Variants in HMGB1 observed in about 807,000 individuals in gnomAD.
HMGB1 encodes high mobility group box 1, also known as high mobility group protein B1.
For missense variants in HMGB1, 79 were observed against 253.5 expected (o/e 0.31, Z 4.67); for synonymous variants, 81 against 84.0 (o/e 0.96, Z 0.19).
chr13:30,614,950 T>C (rs1950546657), intron 1 of HMGB1, among the ~76,000 whole-genome samples: 1 of 151,476 alleles, frequency 6.6e-6, no homozygotes, highest in Admixed American at 6.6e-5. Context: ...GACCTCGTGA[T>C]CCACCCACCT....
intron 1 of HMGB1, among the ~76,000 whole-genome samples, chr13:30,604,222 A>AT (rs1950431872): frequency 6.6e-6 from 1 of 152,180 alleles, no homozygotes; most frequent in African/African-American, 2.4e-5. Context: ...TTTGACGCTA[A>AT]TGAGATGGGA....
intron 1 of HMGB1, among the ~76,000 whole-genome samples, chr13:30,484,741 G>T (rs1387561154): frequency 6.6e-6 from 1 of 151,460 alleles, no homozygotes; most frequent in East Asian, 1.9e-4. Context: ...GAGAAAAGAA[G>T]GAGGAGGAGT....
intron 1 of HMGB1, among the ~76,000 whole-genome samples, chr13:30,475,138 CTTT>C (rs71093064): frequency 2.7e-4 from 7 of 26,070 alleles, no homozygotes; most frequent in Non-Finnish European, 3.1e-4. Flanking sequence ...CTCTCTCTCT[CTTT>C]TTTTTTTTTT....
intron 1 of HMGB1, among the ~76,000 whole-genome samples, chr13:30,583,203 C>G (rs529082504): frequency 9.2e-5 from 14 of 151,980 alleles, no homozygotes; most frequent in Non-Finnish European, 1.8e-4. Context: ...TAATAATGCC[C>G]CTTCCTTGAT....
At position 30,520,316 on chromosome 13, in the gene HMGB1, C is replaced by T. The variant is rs200612859; in HGVS notation, c.-14-56622G>A. 8.0e-5 allele frequency among the ~76,000 whole-genome samples: 12 copies of T among 150,234 alleles called. No individual in the cohort carries two copies. In the East Asian group the frequency reaches 1.8e-3, roughly 22 times the overall value. On this transcript the variant is annotated intron_variant, in intron 1 of 4. Coordinates refer to the HMGB1 transcript ENST00000405805. ...CAGCCTGGGCAACAGGGTGAGACTC[C>T]GTCTCAAAAAAAATAAAAATAGGCT...
chr13:30,582,429 G>T (rs1261577081), intron 1 of HMGB1, among the ~76,000 whole-genome samples: 2 of 152,102 alleles, frequency 1.3e-5, no homozygotes, highest in Non-Finnish European at 2.9e-5. Flanking sequence ...ACGAGGTCAG[G>T]AGATTGAGAC....
chr13:30,482,785 T>TG lies in HMGB1; in HGVS notation c.-14-19092_-14-19091insC, dbSNP rs987952738. The stretch of plus-strand genomic sequence containing the variant: ...AAAAGTGAGGTCTTTACCAATTTTT[T>TG]TTTTTGTTGTTGTTTAAATAGAGAC... On this transcript the variant is annotated intron_variant, in intron 1 of 4. Transcript: ENST00000405805. Among the ~76,000 whole-genome samples, 30 of 143,760 alleles carry TG rather than the reference T, an allele frequency of 2.1e-4. No individual in the cohort carries two copies. In the East Asian group the frequency reaches 2.9e-3, roughly 14 times the overall value. 94.3% of individuals were successfully genotyped at this position (143,760 alleles called of 152,430 possible).
At chr13:30,595,332 C>A (rs542282220) in intron 1 of HMGB1, among the ~76,000 whole-genome samples, 2 of 152,102 alleles carry the variant, frequency 1.3e-5, no homozygotes, top group South Asian at 2.1e-4. Flanking sequence ...TAGGAGCAAC[C>A]CAGATGTTCT....
At chr13:30,582,358 G>A (rs561153261) in intron 1 of HMGB1, among the ~76,000 whole-genome samples, 3 of 152,330 alleles carry the variant, frequency 2.0e-5, no homozygotes, top group African/African-American at 7.2e-5. Flanking sequence ...ACATCCACCA[G>A]CCGGGCGTGG....
intron 1 of HMGB1, among the ~76,000 whole-genome samples, chr13:30,509,080 G>A (rs1887932628): frequency 6.6e-6 from 1 of 152,168 alleles, no homozygotes; most frequent in Admixed American, 6.5e-5. Context: ...AACCACAGGT[G>A]CGCCACCATG....
chr13:30,536,240 G>A (rs1036851587), intron 1 of HMGB1, among the ~76,000 whole-genome samples: 3 of 152,078 alleles, frequency 2.0e-5, no homozygotes, highest in Admixed American at 2.0e-4. Context: ...CAACATATAT[G>A]CATAGTATAT....
intron 1 of HMGB1, among the ~76,000 whole-genome samples, chr13:30,520,276 C>T (rs528393055): frequency 2.6e-5 from 4 of 151,698 alleles, no homozygotes; most frequent in Non-Finnish European, 4.4e-5. Flanking sequence ...GAGCCAAGAT[C>T]GGGCCACTAC....
rs965759275 is a variant in HMGB1, at chr13:30,457,760, A to G, written c.*3597T>C. 4.6e-5 allele frequency: 7 copies of G among 152,292 alleles called. No individual in the cohort carries two copies. The highest frequency in any genetic ancestry group is 1.0e-4 in the Non-Finnish European group (7 of 68,024). 9.4% of individuals were successfully genotyped at this position (152,292 alleles called of 1,614,324 possible). Reference sequence around the variant, plus strand: ...GTCATGATGTATCGTGAAACAAGCAATTCTATAACAGAGCACTATTTTGCC... The same window carrying G: ...GTCATGATGTATCGTGAAACAAGCAGTTCTATAACAGAGCACTATTTTGCC... On this transcript the variant is annotated 3_prime_UTR_variant, in exon 5 of 5. Transcript: ENST00000341423.
chr13:30,587,040 T>C (rs915659167), intron 1 of HMGB1, among the ~76,000 whole-genome samples: 7 of 152,226 alleles, frequency 4.6e-5, no homozygotes, highest in African/African-American at 1.7e-4. Context: ...TTAAAAACTT[T>C]ACTTTGTAGG....
Position 30,523,569 on chromosome 13 carries a change from T to C in HMGB1, c.-14-59875A>G, listed in dbSNP as rs543979913. Among the ~76,000 whole-genome samples, 84 of 152,286 alleles carry C rather than the reference T, an allele frequency of 5.5e-4. 1 individual carries two copies. Among genetic ancestry groups the C allele is most frequent in the African/African-American group, 1.9e-3 (81 of 41,564 alleles). On this transcript the variant is annotated intron_variant, in intron 1 of 4. Coordinates refer to the HMGB1 transcript ENST00000405805. ...GTCCAAAAGATGTTACCACTCTTTG[T>C]ACAACAAAATGATATTAGGATAGGG... is the stretch of plus-strand genomic sequence containing the variant.
chr13:30,519,499 TC>T (rs1888184700), intron 1 of HMGB1, among the ~76,000 whole-genome samples: 1 of 146,528 alleles, frequency 6.8e-6, no homozygotes, highest in South Asian at 2.2e-4. Context: ...ATCGAGACCA[TC>T]CCGGCTAACA....
intron 1 of HMGB1, chr13:30,465,058 G>T: frequency 3.0e-6 from 2 of 668,974 alleles, no homozygotes; most frequent in Non-Finnish European, 3.7e-6. Context: ...AAAGAGAGAG[G>T]AAAAAAAAAG....
intron 1 of HMGB1, among the ~76,000 whole-genome samples, chr13:30,592,333 A>C (rs1357547331): frequency 4.6e-5 from 7 of 152,200 alleles, no homozygotes; most frequent in Admixed American, 2.0e-4. Flanking sequence ...CACATAATTT[A>C]GAATGGGTAA....
At chr13:30,554,039 T>G in intron 1 of HMGB1, 1 of 1,436,644 alleles carries the variant, frequency 7.0e-7, no homozygotes, top group Non-Finnish European at 9.8e-7. Flanking sequence ...CGGTTAAATG[T>G]GCGCAGTACT....
Sources: gnomAD v4.1 joint callset for allele counts (sites outside exome capture counted in the v4.1 genomes callset) on GRCh38, gnomAD v4.1.1 for gene constraint, MANE v1.5 for transcripts, NCBI Gene and HGNC (gene_info 2026-07-23, HGNC 2026-07-21) for gene names.